Variants in STAM2 observed in about 807,000 individuals in gnomAD.
The protein encoded by STAM2 is signal transducing adapter molecule 2.
In STAM2, 51 loss-of-function variants were observed where a neutral mutation model predicts 65.6. That is an observed-to-expected ratio of 0.78 (90% CI 0.62 to 0.98). The LOEUF (loss-of-function observed/expected upper bound fraction) is 0.98, where lower values mean the gene tolerates loss of function less well. STAM2 is among the 50% of genes least tolerant of loss of function. STAM2 has a pLI of 0.00. For synonymous variants in STAM2, 198 were observed against 208.4 expected (o/e 0.95, Z 0.43); for missense variants, 584 against 617.8 (o/e 0.95, Z 0.58).
At chr2:152,148,754 T>C (rs1288743012) in intron 2 of STAM2, among the ~76,000 whole-genome samples, 2 of 152,106 alleles carry the variant, frequency 1.3e-5, no homozygotes, top group African/African-American at 4.8e-5. Context: ...TTTTACACAA[T>C]ATTTTGTTTA....
Position 152,175,699 on chromosome 2 carries a change from C to G in STAM2, c.-57G>C. On this transcript the variant is annotated 5_prime_UTR_variant, in exon 1 of 14. Transcript: ENST00000263904. Reference sequence around the variant, plus strand: ...TCTAGCTGACACTCAGCAACTGCTACCCGCCGGGTGACCCGCGGCCGCGGC... The same window carrying G: ...TCTAGCTGACACTCAGCAACTGCTAGCCGCCGGGTGACCCGCGGCCGCGGC... 1 of 1,571,090 alleles carries G rather than the reference C, an allele frequency of 6.4e-7. No individual in the cohort carries two copies. Among genetic ancestry groups the G allele is most frequent in the Non-Finnish European group, 8.6e-7 (1 of 1,158,000 alleles).
At chr2:152,160,632 C>T (rs867993338) in intron 1 of STAM2, among the ~76,000 whole-genome samples, 109 of 151,198 alleles carry the variant, frequency 7.2e-4, no homozygotes, top group Middle Eastern at 3.5e-3. Context: ...AGGCCAGCCG[C>T]CCCGTCCGGG....
chr2:152,147,993 G>T, intron 4 of STAM2, 31 bp downstream of exon 4: 1 of 1,500,688 alleles, frequency 6.7e-7, no homozygotes, highest in South Asian at 1.2e-5. Flanking sequence ...TTTTTTTAAT[G>T]ACTTAAAGTT....
chr2:152,133,406 T>C lies in STAM2; in HGVS notation c.878A>G (p.Asp293Gly). 1.2e-6 allele frequency: 2 copies of C among 1,611,002 alleles called. No homozygotes were observed. Among genetic ancestry groups the C allele is most frequent in the Non-Finnish European group, 1.7e-6 (2 of 1,178,212 alleles). The part of the protein sequence containing the change: ...KKSEPEPVYI[D>G]EDKMDRALQV... ...TAAACAAAAGAGGGACCCTACCTCA[T>C]CTATATAAACAGGCTCAGGCTCTGA... is the stretch of plus-strand genomic sequence containing the variant. The change falls in exon 9 of 14, where the codon GAT becomes GGT. Residue 293 changes from aspartate to glycine, a missense_variant. Asp to Gly is a moderately conservative substitution (Grantham distance 94). Coordinates refer to ENST00000263904, the MANE Select transcript of STAM2 (RefSeq NM_005843.6).
At chr2:152,129,120 TTAAC>T (rs968868578) in intron 11 of STAM2, among the ~76,000 whole-genome samples, 3 of 152,122 alleles carry the variant, frequency 2.0e-5, no homozygotes, top group Non-Finnish European at 4.4e-5. Flanking sequence ...ACTCAAAAAA[TTAAC>T]TAATATCAGA....
intron 1 of STAM2, among the ~76,000 whole-genome samples, chr2:152,167,104 C>G (rs1222741355): frequency 6.6e-6 from 1 of 152,092 alleles, no homozygotes; most frequent in Non-Finnish European, 1.5e-5. Flanking sequence ...TCCCTTCATG[C>G]TTTTTTTAAA....
chr2:152,156,757 A>G (rs2105557120), intron 1 of STAM2, among the ~76,000 whole-genome samples: 1 of 152,300 alleles, frequency 6.6e-6, no homozygotes, highest in East Asian at 1.9e-4. Context: ...TACCCATAAA[A>G]CTTTTAATAA....
rs377263033 is a variant in STAM2, at chr2:152,143,801, C to G, written c.704+26G>C. 6 of 1,569,448 alleles carry G rather than the reference C, an allele frequency of 3.8e-6. No individual in the cohort carries two copies. In the African/African-American group the frequency reaches 8.2e-5, roughly 21 times the overall value. On this transcript the variant is annotated intron_variant, in intron 7 of 13. Transcript: ENST00000263904. Reference sequence around the variant, plus strand: ...TAAATTAAGGGCATTACACTTTAAACCTTCCCATAAAGATTTAAAACTTAC... The same window carrying G: ...TAAATTAAGGGCATTACACTTTAAAGCTTCCCATAAAGATTTAAAACTTAC...
chr2:152,145,292 C>A (rs1320842558), intron 5 of STAM2, among the ~76,000 whole-genome samples: 1 of 152,136 alleles, frequency 6.6e-6, no homozygotes, highest in African/African-American at 2.4e-5. Context: ...TGATCTGCAA[C>A]TCTTAGCCTC....
intron 1 of STAM2, among the ~76,000 whole-genome samples, chr2:152,170,177 C>T (rs996327514): frequency 6.6e-6 from 1 of 151,594 alleles, no homozygotes; most frequent in Non-Finnish European, 1.5e-5. Context: ...TTCAAGACGA[C>T]AACCTTTAAG....
chr2:152,123,948 A>G lies in STAM2; in HGVS notation c.1180-13T>C, dbSNP rs772415727. 2 of 1,608,080 alleles carry G rather than the reference A, an allele frequency of 1.2e-6. No homozygotes were observed. Among genetic ancestry groups the G allele is most frequent in the Non-Finnish European group, 1.7e-6 (2 of 1,177,456 alleles). ...GAACTGGATATGTCTATTAATCAGA[A>G]AGAAAAAGTTGATTCACTCATCTCC... On this transcript the variant is annotated splice_polypyrimidine_tract_variant and intron_variant, in intron 12 of 13. Coordinates refer to ENST00000263904, the MANE Select transcript of STAM2 (RefSeq NM_005843.6).
intron 1 of STAM2, among the ~76,000 whole-genome samples, chr2:152,158,170 T>A (rs139291412): frequency 0.014 from 2,191 of 152,264 alleles, 25 homozygotes; most frequent in Non-Finnish European, 0.025. Context: ...AAGTACAATA[T>A]CTCAATTTAA....
intron 13 of STAM2, among the ~76,000 whole-genome samples, chr2:152,123,286 C>A (rs1052995835): frequency 6.6e-6 from 1 of 151,980 alleles, no homozygotes; most frequent in African/African-American, 2.4e-5. Context: ...GCAGGAGAAT[C>A]GCTTGAACCT....
chr2:152,175,480 C>A (rs1342360448), intron 1 of STAM2, 123 bp downstream of exon 1: 1 of 1,300,326 alleles, frequency 7.7e-7, no homozygotes, highest in Non-Finnish European at 1.1e-6. Context: ...CGGGCGGCAC[C>A]GCCCCTCCCC....
chr2:152,125,860 T>C (rs143384170), intron 12 of STAM2: 1 of 156,070 alleles, frequency 6.4e-6, no homozygotes, highest in East Asian at 1.9e-4. Flanking sequence ...ACTTCTGATA[T>C]GTCAGGTATT....
chr2:152,126,098 C>T, intron 12 of STAM2, 128 bp downstream of exon 12: 1 of 794,530 alleles, frequency 1.3e-6, no homozygotes, highest in South Asian at 3.4e-5. Flanking sequence ...TTTACTGAAA[C>T]AATCAAAGAT....
intron 11 of STAM2, among the ~76,000 whole-genome samples, chr2:152,128,126 G>A (rs1688995402): frequency 6.6e-6 from 1 of 152,138 alleles, no homozygotes; most frequent in Non-Finnish European, 1.5e-5. Context: ...AAAAATATCA[G>A]GCCGGGCGCG....
intron 1 of STAM2, among the ~76,000 whole-genome samples, chr2:152,173,222 A>G (rs750383534): frequency 3.1e-4 from 47 of 151,238 alleles, no homozygotes; most frequent in Middle Eastern, 3.4e-3. Context: ...AAAAAAAAAA[A>G]GGGTAACAAA....
At chr2:152,125,633 C>T (rs938867086) in intron 12 of STAM2, among the ~76,000 whole-genome samples, 2 of 152,126 alleles carry the variant, frequency 1.3e-5, no homozygotes, top group Admixed American at 6.6e-5. Flanking sequence ...GGATGGCTTA[C>T]GGAGTCTGTA....
Sources: allele counts gnomAD v4.1 joint callset (sites outside exome capture counted in the v4.1 genomes callset), GRCh38; gene constraint gnomAD v4.1.1; transcripts MANE v1.5; gene names NCBI Gene and HGNC (gene_info 2026-07-23, HGNC 2026-07-21).